The following KCNC2 variants were observed in gnomAD, a reference collection of about 807,000 sequenced individuals.
The protein encoded by KCNC2 is potassium voltage-gated channel subfamily C member 2, also known as voltage-gated potassium channel KCNC2.
In KCNC2, 21 loss-of-function variants were observed where a neutral mutation model predicts 44.5. The ratio of observed to expected loss-of-function variants is 0.47; its 90% CI spans 0.33 to 0.68. The LOEUF (loss-of-function observed/expected upper bound fraction) is 0.68. Among genes scored for constraint, KCNC2 ranks in the 30% least tolerant of loss-of-function variants. The pLI is 0.01. For synonymous variants in KCNC2, 391 were observed against 339.1 expected, an observed-to-expected ratio of 1.15 and a Z score of -1.68; for missense variants, 589 against 826.2, an observed-to-expected ratio of 0.71 and a Z score of 3.52.
At chr12:75,048,885 C>A (rs1880857337) in intron 3 of KCNC2, among the ~76,000 whole-genome samples, 2 of 152,212 alleles carry the variant, frequency 1.3e-5, no homozygotes, top group East Asian at 1.9e-4. Flanking sequence ...GCCAACTTCT[C>A]CAAATGTCCT....
chr12:75,046,471 A>C (rs1880525823), intron 4 of KCNC2, among the ~76,000 whole-genome samples: 1 of 151,774 alleles, frequency 6.6e-6, no homozygotes. Flanking sequence ...TCTTAGTATA[A>C]ATATTACATG....
At chr12:75,120,084 T>A (rs2137282085) in intron 2 of KCNC2, among the ~76,000 whole-genome samples, 1 of 152,290 alleles carries the variant, frequency 6.6e-6, no homozygotes, top group Non-Finnish European at 1.5e-5. Flanking sequence ...TCAAATGCAA[T>A]AAATACAGAA....
intron 2 of KCNC2, among the ~76,000 whole-genome samples, chr12:75,090,243 G>C (rs537556452): frequency 2.1e-3 from 322 of 151,542 alleles, no homozygotes; most frequent in Middle Eastern, 6.8e-3. Flanking sequence ...TTCCCTTATC[G>C]ATGTTTACAG....
At chr12:75,048,106 G>C (rs780749669) in intron 4 of KCNC2, 47 bp downstream of exon 4, 2 of 1,557,604 alleles carry the variant, frequency 1.3e-6, no homozygotes, top group Non-Finnish European at 8.8e-7. Context: ...ATTTCCAACA[G>C]TTTATTGCTA....
At chr12:75,127,869 C>T in intron 2 of KCNC2, among the ~76,000 whole-genome samples, 1 of 152,074 alleles carries the variant, frequency 6.6e-6, no homozygotes, top group Non-Finnish European at 1.5e-5. Context: ...TTCCCAGTTT[C>T]AGTTGCAATA....
chr12:75,136,883 G>T (rs890775605), intron 2 of KCNC2, among the ~76,000 whole-genome samples: 1 of 151,962 alleles, frequency 6.6e-6, no homozygotes, highest in Non-Finnish European at 1.5e-5. Context: ...AGTCCCTCCC[G>T]TTCTTTAAAA....
intron 2 of KCNC2, among the ~76,000 whole-genome samples, chr12:75,152,441 T>G (rs1890468686): frequency 1.3e-5 from 2 of 151,934 alleles, no homozygotes; most frequent in African/African-American, 4.8e-5. Context: ...AACATACAAT[T>G]CCATGTGTAT....
chr12:75,130,302 T>C (rs574695976), intron 2 of KCNC2, among the ~76,000 whole-genome samples: 48 of 152,320 alleles, frequency 3.2e-4, no homozygotes, highest in African/African-American at 1.1e-3. Context: ...GTTTCTTTCA[T>C]ACTCTCAATT....
chr12:75,122,252 C>T (rs1008917756), intron 2 of KCNC2, among the ~76,000 whole-genome samples: 3 of 152,208 alleles, frequency 2.0e-5, no homozygotes, highest in Admixed American at 6.5e-5. Flanking sequence ...CCAGGCATGA[C>T]AGGAGGTACC....
chr12:75,043,633 T>C, intron 4 of KCNC2: 1 of 1,252,804 alleles, frequency 8.0e-7, no homozygotes, highest in Non-Finnish European at 1.0e-6. Context: ...ATAAGTAGGC[T>C]ACTTTTTCTC....
chr12:75,067,121 G>A (rs1882909685), intron 2 of KCNC2, among the ~76,000 whole-genome samples: 1 of 152,160 alleles, frequency 6.6e-6, no homozygotes, highest in South Asian at 2.1e-4. Flanking sequence ...AGGATCTCTT[G>A]AGCCTGGGAG....
At chr12:75,093,375 A>G (rs769535369) in intron 2 of KCNC2, among the ~76,000 whole-genome samples, 2 of 151,520 alleles carry the variant, frequency 1.3e-5, no homozygotes, top group Non-Finnish European at 3.0e-5. Flanking sequence ...TCATGTGGCT[A>G]TGGAAAGGCA....
At chr12:75,151,957 ATTATATATTATACAT>A (rs1393507118) in intron 2 of KCNC2, among the ~76,000 whole-genome samples, 2 of 146,244 alleles carry the variant, frequency 1.4e-5, no homozygotes, top group Non-Finnish European at 3.0e-5. Context: ...TATATAATAT[ATTATATATTATACAT>A]TTATATATTA....
In KCNC2 at chr12:75,176,246, C is replaced by T. The variant is rs568567829; in HGVS notation, c.687+31051G>A. Among the ~76,000 whole-genome samples, 90 of 152,180 alleles carry T rather than the reference C, an allele frequency of 5.9e-4. 1 individual carries two copies. Among genetic ancestry groups the T allele is most frequent in the African/African-American group, 2.2e-3 (90 of 41,548 alleles). ...ATTACTCTACATATTGCCCTAAGCA[C>T]TGTCATCCACTCCAGCCCTTCTTCT... On this transcript the variant is annotated intron_variant, in intron 2 of 4. Coordinates refer to ENST00000549446, the MANE Select transcript of KCNC2 (RefSeq NM_139137.4).
chr12:75,090,584 C>G (rs768669592), intron 2 of KCNC2, among the ~76,000 whole-genome samples: 5 of 151,684 alleles, frequency 3.3e-5, no homozygotes, highest in Non-Finnish European at 5.9e-5. Flanking sequence ...GCCTAGGTAA[C>G]TACAGTTGTA....
chr12:75,077,000 TTGTG>T (rs1310839296), intron 2 of KCNC2, among the ~76,000 whole-genome samples: 7 of 148,370 alleles, frequency 4.7e-5, no homozygotes, highest in Admixed American at 2.6e-4. Flanking sequence ...AAAAATCTTA[TTGTG>T]TGTATTTCCA....
intron 2 of KCNC2, among the ~76,000 whole-genome samples, chr12:75,136,974 G>A (rs1210510151): frequency 6.6e-6 from 1 of 152,046 alleles, no homozygotes; most frequent in Non-Finnish European, 1.5e-5. Flanking sequence ...CTCTTTCCTT[G>A]TCAAATTTGC....
intron 2 of KCNC2, among the ~76,000 whole-genome samples, chr12:75,054,453 G>C (rs1446762433): frequency 6.6e-6 from 1 of 152,130 alleles, no homozygotes; most frequent in Non-Finnish European, 1.5e-5. Context: ...CTGAAAATGT[G>C]ATGTTCAGCA....
At chr12:75,141,258 C>A (rs183327456) in intron 2 of KCNC2, among the ~76,000 whole-genome samples, 5 of 152,300 alleles carry the variant, frequency 3.3e-5, no homozygotes, top group Admixed American at 6.5e-5. Context: ...TGTCAATACC[C>A]ATCTCTAGGG....
Sources: allele counts gnomAD v4.1 joint callset (sites outside exome capture counted in the v4.1 genomes callset), GRCh38; gene constraint gnomAD v4.1.1; transcripts MANE v1.5; gene names NCBI Gene and HGNC (gene_info 2026-07-23, HGNC 2026-07-21).